Variants in FREM1 observed in about 807,000 individuals in gnomAD.
FREM1 encodes the protein FRAS1-related extracellular matrix protein 1.
A neutral mutation model predicts 210.1 loss-of-function variants in FREM1; 220 were observed. That is an observed-to-expected ratio of 1.05 (90% CI 0.94 to 1.17). FREM1 has a LOEUF of 1.17. FREM1 is among the 50% of genes most tolerant of loss of function. FREM1 has a pLI of 0.00. For synonymous variants in FREM1, 1,189 were observed against 980.2 expected (o/e 1.21, Z -3.98); for missense variants, 3,454 against 2,675.5 (o/e 1.29, Z -6.42).
intron 27 of FREM1, among the ~76,000 whole-genome samples, chr9:14,762,105 A>G (rs1451010539): frequency 6.6e-6 from 1 of 152,182 alleles, no homozygotes; most frequent in Non-Finnish European, 1.5e-5. Flanking sequence ...TGCCTAAAGA[A>G]TTACAAGATA....
At chr9:14,787,786 C>T (rs1003514256) in intron 23 of FREM1, among the ~76,000 whole-genome samples, 7 of 152,150 alleles carry the variant, frequency 4.6e-5, no homozygotes, top group African/African-American at 1.7e-4. Context: ...TAATATATTA[C>T]TTGTATTACG....
At chr9:14,883,012 C>T (rs113709516) in intron 1 of FREM1, among the ~76,000 whole-genome samples, 6 of 150,236 alleles carry the variant, frequency 4.0e-5, no homozygotes, top group African/African-American at 1.5e-4. Flanking sequence ...AACCCCCATA[C>T]AAATGTTAAC....
At chr9:14,807,826 A>T (rs1474200498) in intron 17 of FREM1, 114 bp downstream of exon 17, 2 of 779,978 alleles carry the variant, frequency 2.6e-6, no homozygotes, top group African/African-American at 3.5e-5. Flanking sequence ...ATTGAAGGAC[A>T]ATTCCATATG....
intron 3 of FREM1, 30 bp from the exon 4 acceptor site, chr9:14,859,514 T>G (rs753745192): frequency 6.4e-7 from 1 of 1,570,806 alleles, no homozygotes; most frequent in Non-Finnish European, 8.7e-7. Flanking sequence ...AAAGCAATAT[T>G]AATTGGTGCT....
chr9:14,768,950 A>T, intron 27 of FREM1, among the ~76,000 whole-genome samples: 1 of 152,152 alleles, frequency 6.6e-6, no homozygotes, highest in East Asian at 1.9e-4. Flanking sequence ...AAAAACAAAC[A>T]AACAAAATGA....
intron 1 of FREM1, among the ~76,000 whole-genome samples, chr9:14,887,616 G>C (rs1836044253): frequency 6.6e-6 from 1 of 152,106 alleles, no homozygotes; most frequent in Admixed American, 6.5e-5. Context: ...ATGAGAAAGA[G>C]CCTGTGACTT....
intron 1 of FREM1, among the ~76,000 whole-genome samples, chr9:14,905,947 G>C (rs1315731057): frequency 1.3e-5 from 2 of 152,130 alleles, no homozygotes; most frequent in East Asian, 1.9e-4. Context: ...GCTGATCAGA[G>C]TTAAAGGCCA....
At position 14,859,164 on chromosome 9, in the gene FREM1, G is replaced by A. The variant is rs765916908; in HGVS notation, c.631+19C>T. On this transcript the variant is annotated intron_variant, in intron 4 of 36. Coordinates refer to ENST00000380880, the MANE Select transcript of FREM1 (RefSeq NM_001379081.2). ...GTCAGTTTTGGTAATACCCAGAAAG[G>A]CATTAAAAGACATCATACGGGACTC... 16 of 1,535,162 alleles carry A rather than the reference G, an allele frequency of 1.0e-5. No individual in the cohort carries two copies. The highest frequency in any genetic ancestry group is 1.3e-5 in the Non-Finnish European group (15 of 1,141,902).
At chr9:14,830,854 C>T (rs1823427995) in intron 10 of FREM1, among the ~76,000 whole-genome samples, 1 of 152,210 alleles carries the variant, frequency 6.6e-6, no homozygotes, top group Non-Finnish European at 1.5e-5. Context: ...TACAGCCTTC[C>T]TTCATCAGAG....
rs1830018106 is a variant in FREM1 at position 14,860,862 on chromosome 9, C to CACATATATATACGTATATAT, written c.330-1398_330-1379dup. Among the ~76,000 whole-genome samples, 2 of 50,204 alleles carry CACATATATATACGTATATAT rather than the reference C, an allele frequency of 4.0e-5. 1 individual carries two copies. Among genetic ancestry groups the CACATATATATACGTATATAT allele is most frequent in the Non-Finnish European group, 6.4e-5 (2 of 31,434 alleles). The allele number at this position is 50,204 out of a possible 152,430, so 32.9% of individuals were successfully genotyped here. ...ATATATACATATATACGTATATATA[C>CACATATATATACGTATATAT]ACATATATATACGTATATATACACA... is the stretch of plus-strand genomic sequence containing the variant. On this transcript the variant is annotated intron_variant, in intron 3 of 36. Transcript: ENST00000380880.
rs904521990 is a variant in FREM1 at position 14,774,243 on chromosome 9, T to A, written c.4857+1546A>T. 7 of 490,494 alleles carry A rather than the reference T, an allele frequency of 1.4e-5. No homozygotes were observed. In the Admixed American group the frequency reaches 1.5e-4, roughly 11 times the overall value. The allele number at this position is 490,494 out of a possible 1,614,324, so 30.4% of individuals were successfully genotyped here. A position where few individuals can be genotyped will look rare whatever the true frequency, so the allele number is the denominator to read the frequency against. ...TGTGTCAACTTTGCAGGGTGTGTAT[T>A]AGATGGGATTACGTTTACATCAGTA... On this transcript the variant is annotated intron_variant, in intron 25 of 36. Coordinates refer to ENST00000380880, the MANE Select transcript of FREM1 (RefSeq NM_001379081.2).
intron 1 of FREM1, among the ~76,000 whole-genome samples, chr9:14,892,960 G>A (rs1174585116): frequency 1.3e-5 from 2 of 152,160 alleles, no homozygotes; most frequent in African/African-American, 2.4e-5. Context: ...CCGGGGGCAC[G>A]TTTGAGCCTT....
At chr9:14,906,193 C>A (rs953075465) in intron 1 of FREM1, among the ~76,000 whole-genome samples, 19 of 152,182 alleles carry the variant, frequency 1.2e-4, no homozygotes, top group African/African-American at 4.6e-4. Context: ...CCTCATTTTA[C>A]CCCTGAGGAA....
At chr9:14,796,832 C>T (rs1414774012) in intron 21 of FREM1, among the ~76,000 whole-genome samples, 1 of 152,180 alleles carries the variant, frequency 6.6e-6, no homozygotes, top group Admixed American at 6.5e-5. Context: ...GTAAATTAAA[C>T]CTCTTTTCTT....
chr9:14,809,762 T>C lies in FREM1; in HGVS notation c.2894-1628A>G, dbSNP rs62536615. Among the ~76,000 whole-genome samples, 1,313 of 152,294 alleles carry C rather than the reference T, an allele frequency of 8.6e-3. 10 individuals are homozygous for C. Among genetic ancestry groups the C allele is most frequent in the Middle Eastern group, 0.014 (4 of 294 alleles). ...CCAGCAGAGAAAAAGGCACACATTT[T>C]GGAACTTTCAAAAGACATTTCAAAA... On this transcript the variant is annotated intron_variant, in intron 16 of 36. Coordinates refer to ENST00000380880, the MANE Select transcript of FREM1 (RefSeq NM_001379081.2).
chr9:14,838,676 T>C (rs1427410718), intron 10 of FREM1, among the ~76,000 whole-genome samples: 1 of 152,204 alleles, frequency 6.6e-6, no homozygotes, highest in Admixed American at 6.5e-5. Context: ...CAGAATTCAT[T>C]TGGTGATCAA....
rs554703259 is a variant in FREM1 at position 14,806,736 on chromosome 9, G to A, written c.3199C>T (p.Pro1067Ser). The change falls in exon 18 of 37, where the codon CCT becomes TCT. Residue 1067 changes from proline to serine, a missense_variant. Transcript: ENST00000380880. Reference protein sequence around the residue: ...ADDLEFVLVSPPQFGYLENIL... With the variant: ...ADDLEFVLVSSPQFGYLENIL... Reference sequence around the variant, plus strand: ...TTTTCGAGGTAGCCAAACTGAGGAGGAGAAACCAAAACAAATTCCAAGTCA... The same window carrying A: ...TTTTCGAGGTAGCCAAACTGAGGAGAAGAAACCAAAACAAATTCCAAGTCA... 2 of 1,605,014 alleles carry A rather than the reference G, an allele frequency of 1.2e-6. No homozygotes were observed. The highest frequency in any genetic ancestry group is 1.3e-5 in the African/African-American group (1 of 74,908).
chr9:14,825,547 G>GTGTGTGTGTGTGTGTATATATA, intron 10 of FREM1, among the ~76,000 whole-genome samples: 5 of 75,906 alleles, frequency 6.6e-5, no homozygotes, highest in East Asian at 3.1e-4. Flanking sequence ...GTGTGTGTGT[G>GTGTGTGTGTGTGTGTATATATA]TATATATATA....
At chr9:14,859,890 C>G (rs966334469) in intron 3 of FREM1, among the ~76,000 whole-genome samples, 1 of 152,106 alleles carries the variant, frequency 6.6e-6, no homozygotes, top group Non-Finnish European at 1.5e-5. Context: ...CCTTTTTGCC[C>G]TTCAGAAATA....
Sources: allele counts gnomAD v4.1 joint callset (sites outside exome capture counted in the v4.1 genomes callset), GRCh38; gene constraint gnomAD v4.1.1; transcripts MANE v1.5; gene names NCBI Gene and HGNC (gene_info 2026-07-23, HGNC 2026-07-21).